Variants in POLN observed in about 807,000 individuals in gnomAD.
POLN encodes the protein DNA polymerase nu, also known as DNA polymerase N.
In POLN, 108 loss-of-function variants were observed where a neutral mutation model predicts 113.5. The observed-to-expected ratio is 0.95, with a 90% CI of 0.81 to 1.12. POLN has a LOEUF of 1.12. Ranked by LOEUF, POLN falls within the 50% of genes most tolerant of loss-of-function variation. The pLI, the probability that POLN is intolerant of heterozygous loss-of-function variation, is 0.00. For synonymous variants in POLN, 386 were observed against 391.5 expected (o/e 0.99, Z 0.17); for missense variants, 1,097 against 1,077.1 (o/e 1.02, Z -0.26).
chr4:2,196,987 C>T (rs1382365934), intron 6 of POLN, among the ~76,000 whole-genome samples: 5 of 152,068 alleles, frequency 3.3e-5, no homozygotes, highest in Non-Finnish European at 7.3e-5. Context: ...ACTGAGAGGC[C>T]GGGAGAGAGG....
chr4:2,156,521 C>G lies in POLN; in HGVS notation c.1731+267G>C, dbSNP rs752608032. 5.2e-6 allele frequency: 3 copies of G among 580,014 alleles called. No individual in the cohort carries two copies. In the African/African-American group the frequency reaches 5.8e-5, roughly 11 times the overall value. The allele number at this position is 580,014 out of a possible 1,614,324, so 35.9% of individuals were successfully genotyped here. ...CAAATCTGAAAAGGAAGATGGGGTA[C>G]GGGTGTCCTTTTTGCCTGCACACTG... On this transcript the variant is annotated intron_variant, in intron 16 of 25. Coordinates refer to ENST00000511885, the MANE Select transcript of POLN (RefSeq NM_181808.4).
chr4:2,195,899 T>C (rs1733561202), intron 6 of POLN, among the ~76,000 whole-genome samples: 1 of 152,206 alleles, frequency 6.6e-6, no homozygotes, highest in Non-Finnish European at 1.5e-5. Context: ...CTAGCCGGAA[T>C]TAAATAAGTG....
intron 15 of POLN, 51 bp downstream of exon 15, chr4:2,157,807 C>T: frequency 8.3e-7 from 1 of 1,211,750 alleles, no homozygotes; most frequent in Non-Finnish European, 1.2e-6. Context: ...TATCTGAACT[C>T]ATACAAAAAC....
chr4:2,136,689 G>A (rs527726), intron 16 of POLN, among the ~76,000 whole-genome samples: 143,365 of 152,330 alleles, frequency 0.94, 67,575 homozygotes, highest in Non-Finnish European at 0.96. Flanking sequence ...AAGGGGTTGC[G>A]CCCAGGAGGT....
intron 2 of POLN, among the ~76,000 whole-genome samples, chr4:2,237,470 AAGAGAGAAAG>A (rs912863882): frequency 2.0e-4 from 31 of 151,752 alleles, no homozygotes; most frequent in African/African-American, 7.3e-4. Context: ...GAAGGGAAAG[AAGAGAGAAAG>A]AGAGAGAAAG....
intron 2 of POLN, among the ~76,000 whole-genome samples, chr4:2,235,444 A>T (rs1382714892): frequency 6.6e-6 from 1 of 152,266 alleles, no homozygotes; most frequent in Non-Finnish European, 1.5e-5. Context: ...CCATCATAGC[A>T]GTATGATCTA....
At position 2,190,425 on chromosome 4, in the gene POLN, A is replaced by G. The variant is rs567354680; in HGVS notation, c.1021+2779T>C. Among the ~76,000 whole-genome samples the G allele has an allele frequency of 9.2e-5, 14 of 152,228 alleles. No individual in the cohort carries two copies. The East Asian group carries it at 2.5e-3, about 27-fold the overall frequency. On this transcript the variant is annotated intron_variant, in intron 7 of 25. Transcript: ENST00000511885. ...AATCTAAGACCTGAAACTATGAAAC[A>G]TCTGGAAGAAAACATTGGGAAAATG...
intron 15 of POLN, among the ~76,000 whole-genome samples, chr4:2,157,581 G>T (rs970544893): frequency 1.3e-5 from 2 of 151,874 alleles, no homozygotes; most frequent in African/African-American, 4.8e-5. Context: ...AAATTAGCTG[G>T]GCGTGGTGGC....
chr4:2,186,336 C>T (rs1027181088), intron 7 of POLN, among the ~76,000 whole-genome samples: 2 of 152,264 alleles, frequency 1.3e-5, no homozygotes, highest in South Asian at 4.1e-4. Flanking sequence ...AGCAGACACT[C>T]GGCTCTGTAC....
At chr4:2,077,621 C>G (rs1005757666) in intron 23 of POLN, among the ~76,000 whole-genome samples, 1 of 152,242 alleles carries the variant, frequency 6.6e-6, no homozygotes, top group Non-Finnish European at 1.5e-5. Context: ...AGAGGACTTA[C>G]TTTTCAAATG....
rs185155857 is a variant in POLN, at chr4:2,150,792, G to C, written c.1731+5996C>G. Reference sequence around the variant, plus strand: ...GGGACAACTGGATGTCCACTTGTAAGAAAGATGATGTTAAACACTCACTTT... The same window carrying C: ...GGGACAACTGGATGTCCACTTGTAACAAAGATGATGTTAAACACTCACTTT... On this transcript the variant is annotated intron_variant, in intron 16 of 25. Transcript: ENST00000511885. Among the ~76,000 whole-genome samples, 3 of 152,270 alleles carry C rather than the reference G, an allele frequency of 2.0e-5. No homozygotes were observed. In the East Asian group the frequency reaches 5.8e-4, roughly 29 times the overall value.
In POLN at chr4:2,126,336, A is replaced by G. The variant is rs756479892; in HGVS notation, c.1982+1777T>C. On this transcript the variant is annotated intron_variant, in intron 19 of 25. Coordinates refer to ENST00000511885, the MANE Select transcript of POLN (RefSeq NM_181808.4). The surrounding 1 kb of genome is among the most constrained non-coding windows in gnomAD (Gnocchi z 4.6). ...CTTCCTGAATTTTGTCATTCAAGTA[A>G]GAGTCCTGTGGTGGTAGCCTTTTTG... Among the ~76,000 whole-genome samples, 1 of 152,264 alleles carries G rather than the reference A, an allele frequency of 6.6e-6. No individual in the cohort carries two copies. Among genetic ancestry groups the G allele is most frequent in the Non-Finnish European group, 1.5e-5 (1 of 68,050 alleles).
intron 4 of POLN, among the ~76,000 whole-genome samples, chr4:2,210,630 T>TAATAAAAAA (rs1009445902): frequency 1.1e-5 from 1 of 88,604 alleles, no homozygotes; most frequent in African/African-American, 5.8e-5. Flanking sequence ...ATAATAATAA[T>TAATAAAAAA]AAAAAAAAGA....
At chr4:2,079,142 T>C (rs1010396546) in intron 23 of POLN, 4 of 182,714 alleles carry the variant, frequency 2.2e-5, no homozygotes, top group East Asian at 1.9e-4. Context: ...GCAACACATA[T>C]GTTGTTCACA....
At chr4:2,223,469 C>T (rs1390112033) in intron 3 of POLN, among the ~76,000 whole-genome samples, 3 of 152,182 alleles carry the variant, frequency 2.0e-5, no homozygotes, top group Non-Finnish European at 4.4e-5. Flanking sequence ...TACCGCCTGA[C>T]GATCTTAGGT....
chr4:2,167,090 A>G (rs571959494), intron 13 of POLN, among the ~76,000 whole-genome samples: 5 of 152,266 alleles, frequency 3.3e-5, no homozygotes, highest in African/African-American at 1.2e-4. Context: ...GGGCCACAAT[A>G]GTGTTTGCTG....
At chr4:2,096,591 G>A (rs142124806) in intron 19 of POLN, among the ~76,000 whole-genome samples, 25 of 151,306 alleles carry the variant, frequency 1.7e-4, no homozygotes, top group African/African-American at 4.6e-4. Flanking sequence ...TGTACCCTCG[G>A]TGCCACCTCC....
chr4:2,156,617 T>C (rs1732440323), intron 16 of POLN, 171 bp downstream of exon 16: 1 of 671,068 alleles, frequency 1.5e-6, no homozygotes, highest in African/African-American at 1.9e-5. Flanking sequence ...AGAACCCATC[T>C]GTCTTGTTCT....
At position 2,150,699 on chromosome 4, in the gene POLN, T is replaced by C. The variant is rs561275437; in HGVS notation, c.1731+6089A>G. 2.0e-5 allele frequency among the ~76,000 whole-genome samples: 3 copies of C among 152,280 alleles called. No homozygotes were observed. In the East Asian group the frequency reaches 5.8e-4, roughly 29 times the overall value. ...ATTAAACCCTTATATTGATAGTAAA[T>C]GTATTTTAGACAAAGGCGCCAAGGT... On this transcript the variant is annotated intron_variant, in intron 16 of 25. Transcript: ENST00000511885.
Sources: allele counts gnomAD v4.1 joint callset (sites outside exome capture counted in the v4.1 genomes callset), GRCh38; gene constraint gnomAD v4.1.1; non-coding constraint Gnocchi (gnomAD v3.1); transcripts MANE v1.5; gene names NCBI Gene and HGNC (gene_info 2026-07-23, HGNC 2026-07-21).